MYO9A: variants seen among roughly 807,000 people sequenced by gnomAD.
The protein encoded by MYO9A is myosin IXA, also known as unconventional myosin-IXa.
MYO9A carries 103 observed loss-of-function variants against 293.3 expected under a neutral mutation model. The ratio of observed to expected loss-of-function variants is 0.35; its 90% CI spans 0.30 to 0.41. The LOEUF (loss-of-function observed/expected upper bound fraction) is 0.41, where lower values mean the gene tolerates loss of function less well. Ranked by LOEUF, MYO9A falls within the 10% of genes least tolerant of loss-of-function variation. The pLI is 1.00. For synonymous variants in MYO9A, 1,001 were observed against 1,035.7 expected (o/e 0.97, Z 0.64); for missense variants, 2,685 against 3,033.0 (o/e 0.89, Z 2.69).
chr15:72,112,210 T>TA lies in MYO9A; in HGVS notation c.-72+5469dup, dbSNP rs201646768. 2.0e-3 allele frequency among the ~76,000 whole-genome samples: 308 copies of TA among 151,206 alleles called. 2 individuals are homozygous for TA. The highest frequency in any genetic ancestry group is 6.7e-3 in the African/African-American group (276 of 41,280). ...TATGCTCCAAAATTATTGCTAATTG[T>TA]AAAAAAAAATAAATAAATAAAAAAA... On this transcript the variant is annotated intron_variant, in intron 1 of 41. Coordinates refer to ENST00000356056, the MANE Select transcript of MYO9A (RefSeq NM_006901.4).
In MYO9A at chr15:71,899,816, C is replaced by T. The variant is rs558522130; in HGVS notation, c.3341G>A (p.Arg1114His). 41 of 1,614,106 alleles carry T rather than the reference C, an allele frequency of 2.5e-5. 1 individual carries two copies. In the South Asian group the frequency reaches 3.7e-4, roughly 15 times the overall value. ...TATGCAAATAGCAGCCATGTGCCTGCGCCTATAGTAATCTCTCCATTTCTG... is the reference window on the plus strand; with the variant it reads ...TATGCAAATAGCAGCCATGTGCCTGTGCCTATAGTAATCTCTCCATTTCTG... ...IQQKWRDYYR[R>H]RHMAAICIQA... Residue 1114 changes from arginine to histidine, a missense_variant, in exon 24 of 42, where the codon CGC (arginine) becomes CAC (histidine). Physicochemically the swap from Arg to His is conservative, Grantham distance 29 (BLOSUM62 0). Around this residue, in one of 10 missense-constraint regions of MYO9A, gnomAD observed 1,434 missense variants for 1,497.7 expected, o/e 0.96. Coordinates refer to ENST00000356056, the MANE Select transcript of MYO9A (RefSeq NM_006901.4).
chr15:71,863,483 G>A (rs949762074), intron 32 of MYO9A, among the ~76,000 whole-genome samples: 10 of 151,864 alleles, frequency 6.6e-5, no homozygotes, highest in Admixed American at 2.0e-4. Flanking sequence ...GGCAAAAGGG[G>A]TATTGTTTTA....
chr15:72,117,690 G>A lies in MYO9A; in HGVS notation c.-82C>T. 2.5e-6 allele frequency: 1 copy of A among 396,550 alleles called. No individual in the cohort carries two copies. The highest frequency in any genetic ancestry group is 4.4e-6 in the Non-Finnish European group (1 of 225,012). The allele number at this position is 396,550 out of a possible 1,614,324, so 24.6% of individuals were successfully genotyped here. A position where few individuals can be genotyped will look rare whatever the true frequency, so the allele number is the denominator to read the frequency against. ...TTGGGCGGGTCTTACCTCGGGCTCCGCCGCGGTGGCCACCGCAGCCCCCTC... is the reference window on the plus strand; with the variant it reads ...TTGGGCGGGTCTTACCTCGGGCTCCACCGCGGTGGCCACCGCAGCCCCCTC... On this transcript the variant is annotated 5_prime_UTR_variant, in exon 1 of 42. Transcript: ENST00000356056.
At chr15:72,059,429 G>A (rs2078816568) in intron 1 of MYO9A, among the ~76,000 whole-genome samples, 1 of 152,212 alleles carries the variant, frequency 6.6e-6, no homozygotes, top group Non-Finnish European at 1.5e-5. Context: ...CATGACTTCT[G>A]TGACTTCACT....
At chr15:72,103,644 A>C (rs201746281) in intron 1 of MYO9A, among the ~76,000 whole-genome samples, 8 of 12,680 alleles carry the variant, frequency 6.3e-4, no homozygotes, top group South Asian at 0.05. Context: ...GAAACAGAAG[A>C]AGCAGAAGTA....
chr15:72,018,391 C>T (rs1474255964), intron 6 of MYO9A, among the ~76,000 whole-genome samples: 1 of 152,032 alleles, frequency 6.6e-6, no homozygotes, highest in African/African-American at 2.4e-5. Flanking sequence ...TCGCTAGAAC[C>T]CAGGAGATGG....
At chr15:71,990,902 T>C (rs1018935319) in intron 11 of MYO9A, among the ~76,000 whole-genome samples, 10 of 152,204 alleles carry the variant, frequency 6.6e-5, no homozygotes, top group Non-Finnish European at 1.5e-4. Flanking sequence ...TCAGTTGAGT[T>C]TACATAAACA....
chr15:71,913,007 G>A (rs552573279), intron 19 of MYO9A, among the ~76,000 whole-genome samples: 11 of 149,782 alleles, frequency 7.3e-5, no homozygotes, highest in Admixed American at 2.7e-4. Context: ...TTTGATCTCC[G>A]TAGTTTTTTT....
At chr15:72,107,496 C>A (rs182644383) in intron 1 of MYO9A, among the ~76,000 whole-genome samples, 74 of 152,290 alleles carry the variant, frequency 4.9e-4, no homozygotes, top group Middle Eastern at 3.4e-3. Context: ...TTGCAGTGAG[C>A]CAAAATCGTG....
chr15:72,023,779 T>A (rs1343603215), intron 4 of MYO9A, among the ~76,000 whole-genome samples: 4 of 148,300 alleles, frequency 2.7e-5, no homozygotes, highest in African/African-American at 9.9e-5. Flanking sequence ...ACATAAAGAA[T>A]ACTTGAAAAA....
intron 26 of MYO9A, chr15:71,888,678 G>A (rs2057089909): frequency 6.6e-6 from 1 of 152,142 alleles, no homozygotes; most frequent in African/African-American, 2.4e-5. Context: ...ATTTTTAATT[G>A]GCAGTTCTTG....
intron 10 of MYO9A, among the ~76,000 whole-genome samples, 174 bp downstream of exon 10, chr15:71,994,295 A>G (rs1466770793): frequency 6.6e-6 from 1 of 152,210 alleles, no homozygotes; most frequent in Admixed American, 6.5e-5. Flanking sequence ...ACATAATAAA[A>G]AAGGTCTGGA....
At chr15:71,864,879 G>C (rs1453264544) in intron 32 of MYO9A, among the ~76,000 whole-genome samples, 1 of 152,112 alleles carries the variant, frequency 6.6e-6, no homozygotes, top group Non-Finnish European at 1.5e-5. Flanking sequence ...AAATTGGATT[G>C]AGATGATGGG....
intron 39 of MYO9A, among the ~76,000 whole-genome samples, chr15:71,835,710 A>G (rs1191238830): frequency 6.6e-6 from 1 of 152,192 alleles, no homozygotes; most frequent in African/African-American, 2.4e-5. Context: ...AAGGCAATCT[A>G]TAGATCCAAT....
intron 18 of MYO9A, among the ~76,000 whole-genome samples, chr15:71,933,008 T>TA (rs1180398008): frequency 6.7e-6 from 1 of 150,272 alleles, no homozygotes; most frequent in Non-Finnish European, 1.5e-5. Flanking sequence ...TGCAAAAAAA[T>TA]AAAAAAATAA....
rs753274674 is a variant in MYO9A, at chr15:72,010,409, G to C, written c.1194C>G (p.Asp398Glu). ...CCATGGCAAGTTGTAGGCGCTCAAA[G>C]TCATGTCTCAAATCTTCTCCTTCCA... ...FTVEGEDLRHDFERLQLAMEM... is the reference protein window; with the variant it reads ...FTVEGEDLRHEFERLQLAMEM... Residue 398 changes from aspartate to glutamate, a missense_variant, in exon 7 of 42, where the codon GAC (aspartate) becomes GAG (glutamate). Asp to Glu is a conservative substitution (Grantham distance 45). This residue lies in a region of MYO9A where 289 missense variants were observed against 456.8 expected (regional missense o/e 0.63). Coordinates refer to ENST00000356056, the MANE Select transcript of MYO9A (RefSeq NM_006901.4). 3.7e-6 allele frequency: 6 copies of C among 1,613,482 alleles called. No individual in the cohort carries two copies. Among genetic ancestry groups the C allele is most frequent in the Non-Finnish European group, 5.1e-6 (6 of 1,179,638 alleles).
At chr15:71,832,476 G>A (rs2054769077) in intron 39 of MYO9A, among the ~76,000 whole-genome samples, 2 of 151,982 alleles carry the variant, frequency 1.3e-5, no homozygotes, top group African/African-American at 2.4e-5. Flanking sequence ...CAAATTCCTT[G>A]CAAAAAAGGA....
At chr15:71,894,557 TG>T (rs2057269591) in intron 25 of MYO9A, among the ~76,000 whole-genome samples, 1 of 152,074 alleles carries the variant, frequency 6.6e-6, no homozygotes, top group Non-Finnish European at 1.5e-5. Flanking sequence ...CTAGCTTGGG[TG>T]ACAAGAGTGA....
At chr15:72,097,547 A>G (rs983325152) in intron 1 of MYO9A, among the ~76,000 whole-genome samples, 1 of 152,238 alleles carries the variant, frequency 6.6e-6, no homozygotes, top group Non-Finnish European at 1.5e-5. Flanking sequence ...CTTTATTACA[A>G]TATTTGCTTT....
Sources: gnomAD v4.1 joint callset for allele counts (sites outside exome capture counted in the v4.1 genomes callset) on GRCh38, gnomAD v4.1.1 for gene constraint, gnomAD v4.1.1 regional missense constraint, MANE v1.5 for transcripts, NCBI Gene and HGNC (gene_info 2026-07-23, HGNC 2026-07-21) for gene names.